Variants in NCMAP observed in about 807,000 individuals in gnomAD.
The protein encoded by NCMAP is noncompact myelin-associated protein.
A neutral mutation model predicts 7.8 loss-of-function variants in NCMAP; 8 were observed. That is an observed-to-expected ratio of 1.02 (90% CI 0.60 to 1.84). The LOEUF is 1.84. Among genes scored for constraint, NCMAP ranks in the 40% most tolerant of loss-of-function variants. NCMAP has a pLI of 0.00. For synonymous variants in NCMAP, 41 were observed against 52.9 expected (o/e 0.78, Z 0.98); for missense variants, 112 against 131.4 (o/e 0.85, Z 0.72).
chr1:24,583,323 C>A (rs1267057442), intron 1 of NCMAP, among the ~76,000 whole-genome samples: 1 of 152,110 alleles, frequency 6.6e-6, no homozygotes, highest in Non-Finnish European at 1.5e-5. Flanking sequence ...AATTACCTGG[C>A]CTGAATGTCA....
At chr1:24,600,373 C>T (rs935446250) in intron 2 of NCMAP, among the ~76,000 whole-genome samples, 1 of 148,298 alleles carries the variant, frequency 6.7e-6, no homozygotes, top group Non-Finnish European at 1.5e-5. Context: ...AGGCTAGTCT[C>T]GAACTCCTGG....
At chr1:24,571,362 C>G (rs747161941) in intron 1 of NCMAP, among the ~76,000 whole-genome samples, 1 of 149,608 alleles carries the variant, frequency 6.7e-6, no homozygotes, top group Non-Finnish European at 1.5e-5. Flanking sequence ...GTAATCCTAG[C>G]TACTCAAGAG....
intron 1 of NCMAP, among the ~76,000 whole-genome samples, chr1:24,580,186 G>A (rs11805866): frequency 0.016 from 2,398 of 152,326 alleles, 58 homozygotes; most frequent in African/African-American, 0.054. Context: ...CACCAGCCAC[G>A]GCGGGTACTG....
chr1:24,587,705 G>A (rs150750351), intron 1 of NCMAP, among the ~76,000 whole-genome samples: 1 of 152,036 alleles, frequency 6.6e-6, no homozygotes, highest in East Asian at 1.9e-4. Flanking sequence ...TAGAGAAGAG[G>A]TTTCACCATG....
At chr1:24,586,849 T>C (rs552508729) in intron 1 of NCMAP, among the ~76,000 whole-genome samples, 32 of 151,928 alleles carry the variant, frequency 2.1e-4, no homozygotes, top group African/African-American at 7.2e-4. Context: ...GAAAAAGAGT[T>C]GGGGGCCATC....
At chr1:24,582,742 A>G (rs1222435847) in intron 1 of NCMAP, among the ~76,000 whole-genome samples, 2 of 152,228 alleles carry the variant, frequency 1.3e-5, no homozygotes, top group Non-Finnish European at 2.9e-5. Context: ...TTAAACTGAA[A>G]GAAGATTAAT....
intron 1 of NCMAP, among the ~76,000 whole-genome samples, chr1:24,560,085 C>T (rs913857925): frequency 4.2e-4 from 61 of 145,514 alleles, no homozygotes; most frequent in African/African-American, 1.4e-3. Context: ...GGCGTGAACC[C>T]GGGAAGCGGA....
chr1:24,590,616 T>G (rs1652017746), intron 1 of NCMAP, among the ~76,000 whole-genome samples: 1 of 152,180 alleles, frequency 6.6e-6, no homozygotes. Flanking sequence ...TTATTTAGTT[T>G]TAGAGACAAG....
At chr1:24,567,239 G>A (rs1651254120) in intron 1 of NCMAP, among the ~76,000 whole-genome samples, 1 of 152,192 alleles carries the variant, frequency 6.6e-6, no homozygotes, top group African/African-American at 2.4e-5. Context: ...TGGCAGGATG[G>A]CTATAAGTAA....
intron 1 of NCMAP, among the ~76,000 whole-genome samples, chr1:24,584,999 G>T (rs556815226): frequency 4.0e-5 from 6 of 151,614 alleles, no homozygotes; most frequent in African/African-American, 1.5e-4. Context: ...GGGCATGAGT[G>T]GATAGCAGGA....
intron 2 of NCMAP, among the ~76,000 whole-genome samples, chr1:24,597,856 ACTTATACTAAAACGGTATCCATTGTTTGT>A (rs1333759366): frequency 6.6e-6 from 1 of 152,072 alleles, no homozygotes; most frequent in Non-Finnish European, 1.5e-5. Context: ...TTTGAGATGT[ACTTATACTAAAACGGTATCCATTGTTTGT>A]TGAAAATTCT....
intron 1 of NCMAP, among the ~76,000 whole-genome samples, chr1:24,591,954 A>G (rs1557600729): frequency 6.6e-6 from 1 of 152,198 alleles, no homozygotes; most frequent in East Asian, 1.9e-4. Flanking sequence ...GCCTGACCCT[A>G]GTGGGTGTGT....
intron 2 of NCMAP, among the ~76,000 whole-genome samples, chr1:24,595,752 T>C (rs186099071): frequency 2.0e-5 from 3 of 149,198 alleles, no homozygotes; most frequent in African/African-American, 7.4e-5. Context: ...TCTGTCTGAG[T>C]GGGAGTCTTC....
intron 1 of NCMAP, among the ~76,000 whole-genome samples, chr1:24,569,081 A>G (rs1284334288): frequency 6.6e-6 from 1 of 151,798 alleles, no homozygotes; most frequent in Non-Finnish European, 1.5e-5. Flanking sequence ...GCTCACTGCA[A>G]CCTCTGGGGT....
At chr1:24,560,160 CAAAAAAAAA>C (rs67052970) in intron 1 of NCMAP, among the ~76,000 whole-genome samples, 1 of 89,570 alleles carries the variant, frequency 1.1e-5, no homozygotes. Flanking sequence ...GACTCCATCT[CAAAAAAAAA>C]AAAAAAAAAA....
At chr1:24,587,829 T>C (rs910880947) in intron 1 of NCMAP, among the ~76,000 whole-genome samples, 2 of 152,066 alleles carry the variant, frequency 1.3e-5, no homozygotes, top group Non-Finnish European at 2.9e-5. Flanking sequence ...GTGCTCTTAA[T>C]CCTGACAGGT....
chr1:24,568,902 C>T (rs901459529), intron 1 of NCMAP, among the ~76,000 whole-genome samples: 5 of 152,124 alleles, frequency 3.3e-5, no homozygotes, highest in Non-Finnish European at 5.9e-5. Flanking sequence ...GGACTAGAGG[C>T]ATGCGTCACC....
chr1:24,597,657 AAGAAAGAAAGAAAGAAAAGAAAAAG>A (rs1652298060), intron 2 of NCMAP, among the ~76,000 whole-genome samples: 1 of 132,918 alleles, frequency 7.5e-6, no homozygotes, highest in African/African-American at 2.7e-5. Flanking sequence ...GAAAGAAAGA[AAGAAAGAAAGAAAGAAAAGAAAAAG>A]AAAGAAAGAA....
chr1:24,597,671 G>A (rs545047909), intron 2 of NCMAP, among the ~76,000 whole-genome samples: 11 of 111,168 alleles, frequency 9.9e-5, no homozygotes, highest in Non-Finnish European at 6.0e-5. Flanking sequence ...AAGAAAGAAA[G>A]AAAAGAAAAA....
Sources: gnomAD v4.1 joint callset for allele counts (sites outside exome capture counted in the v4.1 genomes callset) on GRCh38, gnomAD v4.1.1 for gene constraint, MANE v1.5 for transcripts, NCBI Gene and HGNC (gene_info 2026-07-23, HGNC 2026-07-21) for gene names.